Variants in GPM6A observed in about 807,000 individuals in gnomAD.
GPM6A encodes neuronal membrane glycoprotein M6-a.
GPM6A carries 7 observed loss-of-function variants against 32.1 expected under a neutral mutation model. The observed-to-expected ratio is 0.22, with a 90% CI of 0.12 to 0.41. The LOEUF (loss-of-function observed/expected upper bound fraction) is 0.41. GPM6A is among the 10% of genes least tolerant of loss of function. GPM6A has a pLI of 1.00. For synonymous variants in GPM6A, 130 were observed against 123.4 expected, an observed-to-expected ratio of 1.05 and a Z score of -0.35; for missense variants, 235 against 347.2, an observed-to-expected ratio of 0.68 and a Z score of 2.57.
intron 1 of GPM6A, among the ~76,000 whole-genome samples, chr4:175,856,203 A>G (rs1473841181): frequency 6.6e-6 from 1 of 152,262 alleles, no homozygotes. Flanking sequence ...AGTCAGAGTA[A>G]AATATGCAGT....
Position 175,731,457 on chromosome 4 carries a change from A to G in GPM6A, c.38-29690T>C, listed in dbSNP as rs564186964. ...TTCCACCGAGAATCTGACCTCAATC[A>G]TGTCTTTGATTCTTTAAGGAATGTC... On this transcript the variant is annotated intron_variant, in intron 1 of 6. Transcript: ENST00000393658. Among the ~76,000 whole-genome samples the G allele has an allele frequency of 3.3e-5, 5 of 151,986 alleles. No homozygotes were observed. The South Asian group carries it at 6.3e-4, about 19-fold the overall frequency.
At chr4:175,980,017 T>G (rs949950716) in intron 1 of GPM6A, among the ~76,000 whole-genome samples, 1 of 152,204 alleles carries the variant, frequency 6.6e-6, no homozygotes, top group Non-Finnish European at 1.5e-5. Context: ...TCTGCTAAGG[T>G]CTGGGTACTG....
Position 175,757,908 on chromosome 4 carries a change from G to A in GPM6A, c.37+54283C>T, listed in dbSNP as rs191099761. The stretch of plus-strand genomic sequence containing the variant: ...TGTTTGAACAGATTAGCCAAGAAAT[G>A]GAATTAAAAGTAGGTTAAAAGCCTA... On this transcript the variant is annotated intron_variant, in intron 1 of 6. Transcript: ENST00000393658. Among the ~76,000 whole-genome samples the A allele has an allele frequency of 3.3e-5, 5 of 152,190 alleles. No homozygotes were observed. The East Asian group carries it at 9.7e-4, about 29-fold the overall frequency.
intron 1 of GPM6A, among the ~76,000 whole-genome samples, chr4:175,998,666 T>G (rs1741384655): frequency 6.6e-6 from 1 of 152,144 alleles, no homozygotes; most frequent in Non-Finnish European, 1.5e-5. Context: ...ACTTGACCTA[T>G]CTCTCATCAA....
At chr4:175,904,089 T>G (rs1389188013) in intron 1 of GPM6A, among the ~76,000 whole-genome samples, 2 of 152,140 alleles carry the variant, frequency 1.3e-5, no homozygotes, top group African/African-American at 4.8e-5. Flanking sequence ...CACTATTTTT[T>G]TCAATGTTTC....
At chr4:175,929,173 C>T (rs1471009283) in intron 1 of GPM6A, among the ~76,000 whole-genome samples, 1 of 152,160 alleles carries the variant, frequency 6.6e-6, no homozygotes, top group East Asian at 1.9e-4. Flanking sequence ...AAGTTTACCG[C>T]CCTATGACAA....
intron 1 of GPM6A, among the ~76,000 whole-genome samples, chr4:175,736,879 G>T (rs76868797): frequency 0.015 from 2,295 of 152,234 alleles, 58 homozygotes; most frequent in African/African-American, 0.052. Flanking sequence ...GACATCATAG[G>T]CATTATAATG....
chr4:175,706,921 C>T (rs1745225401), intron 1 of GPM6A, among the ~76,000 whole-genome samples: 1 of 152,220 alleles, frequency 6.6e-6, no homozygotes, highest in East Asian at 1.9e-4. Context: ...TCATTATATG[C>T]TAATTATAAT....
At position 175,730,496 on chromosome 4, in the gene GPM6A, A is replaced by T. The variant is rs1731372282; in HGVS notation, c.38-28729T>A. 2.1e-5 allele frequency among the ~76,000 whole-genome samples: 3 copies of T among 142,154 alleles called. No individual in the cohort carries two copies. In the South Asian group the frequency reaches 6.7e-4, roughly 32 times the overall value. The allele number at this position is 142,154 out of a possible 152,430, so 93.3% of individuals were successfully genotyped here. ...CTTTTTTTTTTTCTTTTTGAGAGGG[A>T]GTCTCGCTCTGTCGCCCAGGCTGGA... On this transcript the variant is annotated intron_variant, in intron 1 of 6. Transcript: ENST00000393658.
At chr4:175,702,040 A>G (rs985302408) in intron 1 of GPM6A, among the ~76,000 whole-genome samples, 4 of 152,328 alleles carry the variant, frequency 2.6e-5, no homozygotes, top group Admixed American at 1.3e-4. Context: ...CAGACTTTCT[A>G]TAATAATTAA....
rs572702227 is a variant in GPM6A at position 175,668,141 on chromosome 4, C to T, written c.387+5539G>A. On this transcript the variant is annotated intron_variant, in intron 3 of 6. Transcript: ENST00000393658. ...CATTAGACATCAGAAAAAATAAGAA[C>T]TTTATTTTTTCTTATTTATTTCTTC... 1.0e-3 allele frequency among the ~76,000 whole-genome samples: 156 copies of T among 152,018 alleles called. 1 individual carries two copies. The highest frequency in any genetic ancestry group is 3.6e-3 in the African/African-American group (151 of 41,472).
At chr4:175,666,925 C>A (rs986790016) in intron 3 of GPM6A, among the ~76,000 whole-genome samples, 2 of 152,112 alleles carry the variant, frequency 1.3e-5, no homozygotes, top group African/African-American at 4.8e-5. Context: ...CCTGCAGATG[C>A]CTTCATTTAA....
At chr4:175,847,392 G>A (rs760906541) in intron 1 of GPM6A, among the ~76,000 whole-genome samples, 18 of 152,094 alleles carry the variant, frequency 1.2e-4, no homozygotes, top group Non-Finnish European at 2.2e-4. Context: ...GTTTTAAATC[G>A]TGCTGTGTTC....
intron 1 of GPM6A, among the ~76,000 whole-genome samples, chr4:175,741,995 T>A (rs1731906488): frequency 6.6e-6 from 1 of 152,122 alleles, no homozygotes; most frequent in East Asian, 1.9e-4. Context: ...AGAATTAAAT[T>A]ATTCTAACTA....
chr4:175,745,685 T>C (rs1289106364), intron 1 of GPM6A, among the ~76,000 whole-genome samples: 1 of 152,142 alleles, frequency 6.6e-6, no homozygotes, highest in East Asian at 1.9e-4. Context: ...TATGGAAAGA[T>C]AAGATTGGCA....
intron 2 of GPM6A, among the ~76,000 whole-genome samples, chr4:175,682,707 C>T (rs1172651505): frequency 6.6e-6 from 1 of 152,178 alleles, no homozygotes; most frequent in Non-Finnish European, 1.5e-5. Context: ...TGGGCTGCTG[C>T]TTCAGAGGGT....
chr4:175,880,421 A>G lies in GPM6A; in HGVS notation c.-22-68172T>C, dbSNP rs554697696. Among the ~76,000 whole-genome samples, 28 of 152,300 alleles carry G rather than the reference A, an allele frequency of 1.8e-4. 1 individual carries two copies. The highest frequency in any genetic ancestry group is 1.5e-3 in the South Asian group (7 of 4,822). ...TAAAGTAGTTTTTTCCAATTCTGTG[A>G]AGAAAGTCATTGTTAGCTTGATGGG... On this transcript the variant is annotated intron_variant, in intron 1 of 7. Transcript: ENST00000280187.
chr4:175,637,665 AATATATATAAT>A (rs1259366109), intron 6 of GPM6A, among the ~76,000 whole-genome samples: 22 of 16,694 alleles, frequency 1.3e-3, no homozygotes, highest in East Asian at 0.083. Context: ...TAAAATATAT[AATATATATAAT>A]ATATATATAA....
chr4:175,651,277 A>G (rs984849737), intron 4 of GPM6A, among the ~76,000 whole-genome samples: 4 of 152,214 alleles, frequency 2.6e-5, no homozygotes, highest in Non-Finnish European at 4.4e-5. Flanking sequence ...ATATGTGGTA[A>G]ATCCATATAC....
Sources: gnomAD v4.1 joint callset for allele counts (sites outside exome capture counted in the v4.1 genomes callset) on GRCh38, gnomAD v4.1.1 for gene constraint, MANE v1.5 for transcripts, NCBI Gene and HGNC (gene_info 2026-07-23, HGNC 2026-07-21) for gene names.